RBSN: variants seen among roughly 807,000 people sequenced by gnomAD.
RBSN encodes the protein rabenosyn, RAB effector, also known as rabenosyn-5.
Under a neutral mutation model 60.5 loss-of-function variants are expected in RBSN, and 34 were observed. The observed-to-expected ratio is 0.56, with a 90% CI of 0.43 to 0.75. The LOEUF (loss-of-function observed/expected upper bound fraction) is 0.75. Among genes scored for constraint, RBSN ranks in the 30% least tolerant of loss-of-function variants. The pLI is 0.00. For missense variants in RBSN, 845 were observed against 986.8 expected (o/e 0.86, Z 1.92); for synonymous variants, 322 against 366.9 (o/e 0.88, Z 1.40).
chr3:15,091,553 A>T, intron 4 of RBSN: 1 of 1,240,008 alleles, frequency 8.1e-7, no homozygotes, highest in Non-Finnish European at 1.0e-6. Flanking sequence ...CATTTCCTGT[A>T]TTTAGCCATC....
Position 15,084,763 on chromosome 3 carries a change from A to G in RBSN, c.570T>C (p.Cys190=), listed in dbSNP as rs1405282106. 2 of 1,611,836 alleles carry G rather than the reference A, an allele frequency of 1.2e-6. No individual in the cohort carries two copies. The highest frequency in any genetic ancestry group is 2.7e-5 in the African/African-American group (2 of 74,772). ...RLCGSIMCKK[C]MELISLPLAN... Reference sequence around the variant, plus strand: ...CCAAGGGAAGGCTGATGAGCTCCATACACTTCTTGCACATAATAGACCCGC... The same window carrying G: ...CCAAGGGAAGGCTGATGAGCTCCATGCACTTCTTGCACATAATAGACCCGC... Residue 190 remains cysteine (C), a synonymous_variant, in exon 8 of 14, where the codon TGT becomes TGC. Coordinates refer to ENST00000253699, the MANE Select transcript of RBSN (RefSeq NM_022340.4). This position sits in a 1 kb window ranked among gnomAD's most constrained non-coding sequence, Gnocchi z 4.2.
At chr3:15,075,492 T>G in intron 13 of RBSN, 114 bp downstream of exon 13, 1 of 844,576 alleles carries the variant, frequency 1.2e-6, no homozygotes, top group Non-Finnish European at 2.1e-6. Context: ...AATATGCACA[T>G]TTGAGAGAGA....
At position 15,074,170 on chromosome 3, in the gene RBSN, C is replaced by A. The variant is rs147577833; in HGVS notation, c.1967G>T (p.Arg656Leu). The change falls in exon 14 of 14, where the codon CGC (arginine) becomes CTC (leucine). Residue 656 changes from arginine (R) to leucine (L), a missense_variant. Physicochemically the swap from Arg to Leu is moderately radical, Grantham distance 102. Transcript: ENST00000253699. The surrounding 1 kb of genome is among the most constrained non-coding windows in gnomAD (Gnocchi z 6.4). The part of the protein sequence containing the change: ...AAGVSLDPSA[R>L]ILKEYNPFEE... Reference sequence around the variant, plus strand: ...GAAAGGATTGTACTCTTTCAGGATGCGGGCTGAAGGGTCTAAGGAAACCCC... The same window carrying A: ...GAAAGGATTGTACTCTTTCAGGATGAGGGCTGAAGGGTCTAAGGAAACCCC... 7 of 1,613,140 alleles carry A rather than the reference C, an allele frequency of 4.3e-6. No homozygotes were observed. In the Admixed American group the frequency reaches 1.2e-4, roughly 27 times the overall value.
intron 10 of RBSN, 64 bp from the exon 11 acceptor site, chr3:15,078,225 A>G (rs2125157835): frequency 7.2e-7 from 1 of 1,389,308 alleles, no homozygotes; most frequent in East Asian, 2.3e-5. Flanking sequence ...CATAGTGTAG[A>G]AGGACGCTAA....
chr3:15,088,922 A>G (rs1034101161), intron 5 of RBSN, among the ~76,000 whole-genome samples: 6 of 152,196 alleles, frequency 3.9e-5, no homozygotes, highest in African/African-American at 1.4e-4. Flanking sequence ...GACACCTTCT[A>G]TAACAGCACT....
Position 15,074,839 on chromosome 3 carries a change from C to G in RBSN, c.1298G>C (p.Gly433Ala). Residue 433 changes from glycine (G) to alanine (A), a missense_variant, in exon 14 of 14, where the codon GGC becomes GCC. Transcript: ENST00000253699. The surrounding 1 kb of genome is among the most constrained non-coding windows in gnomAD (Gnocchi z 6.4). ...ANGEVASLRR[G>A]PAPLRKAEGW... ...CTCAGCCTTTCTCAAGGGGGCAGGG[C>G]CCCTGCGGAGAGATGCCACCTCCCC... The G allele has an allele frequency of 6.2e-7, 1 of 1,614,218 alleles. No individual in the cohort carries two copies. Among genetic ancestry groups the G allele is most frequent in the Non-Finnish European group, 8.5e-7 (1 of 1,180,052 alleles).
chr3:15,096,186 A>C lies in RBSN; in HGVS notation c.-66T>G. 6.7e-7 allele frequency: 1 copy of C among 1,494,774 alleles called. No individual in the cohort carries two copies. Among genetic ancestry groups the C allele is most frequent in the Non-Finnish European group, 8.9e-7 (1 of 1,122,810 alleles). The allele number at this position is 1,494,774 out of a possible 1,614,324, so 92.6% of individuals were successfully genotyped here. A position where few individuals can be genotyped will look rare whatever the true frequency, so the allele number is the denominator to read the frequency against. The stretch of plus-strand genomic sequence containing the variant: ...GCCAAGAGTCAGCTTGATTCCTCCC[A>C]AGGAACCATGGTTCCCGCAGCATTA... On this transcript the variant is annotated 5_prime_UTR_variant, in exon 4 of 14. Transcript: ENST00000253699.
chr3:15,093,051 G>T (rs2043557433), intron 4 of RBSN, among the ~76,000 whole-genome samples: 1 of 152,124 alleles, frequency 6.6e-6, no homozygotes, highest in Non-Finnish European at 1.5e-5. Flanking sequence ...AACCAGGACT[G>T]GGCCCCGAAC....
At position 15,085,002 on chromosome 3, in the gene RBSN, C is replaced by T. The variant is rs139320735; in HGVS notation, c.434G>A (p.Arg145Gln). Residue 145 changes from arginine to glutamine, a missense_variant and splice_region_variant, in exon 7 of 14, where the codon CGA becomes CAA. Transcript: ENST00000253699. The stretch of plus-strand genomic sequence containing the variant: ...TGTGAGCAAAGTTTTAAAGTTACCT[C>T]GAATCTTTGCAGACTCAGTATTTGT... ...DRTNTESAKI[R>Q]AIEKSVVPWV... The T allele has an allele frequency of 1.1e-5, 17 of 1,614,062 alleles. No individual in the cohort carries two copies. In the African/African-American group the frequency reaches 1.9e-4, roughly 18 times the overall value.
In RBSN at chr3:15,082,664, C is replaced by T; in HGVS notation, c.599-56G>A. The T allele has an allele frequency of 4.4e-6, 7 of 1,585,104 alleles. No homozygotes were observed. The highest frequency in any genetic ancestry group is 6.0e-6 in the Non-Finnish European group (7 of 1,163,322). ...ACCCCCACAGCATCCAATTACCATA[C>T]CCACGACCTCAAGGTGTCAGTCCAC... On this transcript the variant is annotated intron_variant, in intron 8 of 13. Transcript: ENST00000253699. This position sits in a 1 kb window ranked among gnomAD's most constrained non-coding sequence, Gnocchi z 4.2.
chr3:15,087,944 A>G, intron 5 of RBSN, among the ~76,000 whole-genome samples: 1 of 152,032 alleles, frequency 6.6e-6, no homozygotes, highest in Non-Finnish European at 1.5e-5. Context: ...TTAACCATCC[A>G]CATGTCTTTT....
At chr3:15,076,241 T>G (rs2043050634) in intron 12 of RBSN, among the ~76,000 whole-genome samples, 1 of 152,106 alleles carries the variant, frequency 6.6e-6, no homozygotes, top group African/African-American at 2.4e-5. Context: ...CTAATCAAAG[T>G]GAGGAAGGGC....
Position 15,091,861 on chromosome 3 carries a change from T to C in RBSN, c.149-1322A>G, listed in dbSNP as rs76729722. Among the ~76,000 whole-genome samples the C allele has an allele frequency of 4.1e-3, 629 of 152,352 alleles. 12 individuals carry two copies. In the East Asian group the frequency reaches 0.045, roughly 11 times the overall value. On this transcript the variant is annotated intron_variant, in intron 4 of 13. Transcript: ENST00000253699. ...TGGTGCAGAGAACCACCTGTTAAAC[T>C]GAACAATCAGCTGGTGTGGGGCGGG...
chr3:15,092,875 T>C (rs1434001816), intron 4 of RBSN, among the ~76,000 whole-genome samples: 3 of 152,298 alleles, frequency 2.0e-5, no homozygotes, highest in East Asian at 1.9e-4. Context: ...TTTTAGGAGA[T>C]AGAAAAACTG....
rs920602977 is a variant in RBSN, at chr3:15,070,759, GC to G, written c.*3022del. ...ATGGAAGAATTCATAGAAGAATACA[GC>G]CATGGATAAACTTAATCAAAAGAAT... On this transcript the variant is annotated 3_prime_UTR_variant, in exon 14 of 14. Coordinates refer to ENST00000253699, the MANE Select transcript of RBSN (RefSeq NM_022340.4). 1 of 152,644 alleles carries G rather than the reference GC, an allele frequency of 6.6e-6. No individual in the cohort carries two copies. The highest frequency in any genetic ancestry group is 2.4e-5 in the African/African-American group (1 of 41,444). 9.5% of individuals were successfully genotyped at this position (152,644 alleles called of 1,614,324 possible).
Position 15,077,018 on chromosome 3 carries a change from G to A in RBSN, c.1101+44C>T, listed in dbSNP as rs2043070224. The A allele has an allele frequency of 1.3e-6, 2 of 1,552,226 alleles. No individual in the cohort carries two copies. On this transcript the variant is annotated intron_variant, in intron 12 of 13. Coordinates refer to ENST00000253699, the MANE Select transcript of RBSN (RefSeq NM_022340.4). This position sits in a 1 kb window ranked among gnomAD's most constrained non-coding sequence, Gnocchi z 4.4. ...TGCCTCCTGGGAAGCAAAAGAGCAG[G>A]ACAGGCCAAGTGCAACATTTATGCC...
rs1439037144 is a variant in RBSN at position 15,084,206 on chromosome 3, C to A, written c.598+529G>T. Among the ~76,000 whole-genome samples the A allele has an allele frequency of 1.3e-5, 2 of 152,176 alleles. No individual in the cohort carries two copies. The highest frequency in any genetic ancestry group is 4.8e-5 in the African/African-American group (2 of 41,434). ...CAATCTCAGCTCACTGCAGCCTTCA[C>A]CTCCCAGGTTCAAGCAATTCTCCTG... On this transcript the variant is annotated intron_variant, in intron 8 of 13. Transcript: ENST00000253699. The surrounding 1 kb of genome is among the most constrained non-coding windows in gnomAD (Gnocchi z 4.2).
intron 3 of RBSN, 105 bp from the exon 4 acceptor site, chr3:15,096,393 T>C: frequency 3.0e-6 from 1 of 335,690 alleles, no homozygotes; most frequent in African/African-American, 2.1e-5. Context: ...TTAATGTTTA[T>C]TCAGTGCAAG....
chr3:15,090,409 G>T lies in RBSN; in HGVS notation c.279C>A (p.Pro93=). The change falls in exon 5 of 14, where the codon CCC becomes CCA. Residue 93 remains proline (P), a synonymous_variant. Coordinates refer to ENST00000253699, the MANE Select transcript of RBSN (RefSeq NM_022340.4). ...AATGAATTTTCTTACCAAGCTCCTG[G>T]GGTTCCCACATGTAAGGATCAACCC... ...YGGVDPYMWE[P]QELGAVRSHL... The T allele has an allele frequency of 1.2e-6, 2 of 1,613,140 alleles. No homozygotes were observed. Among genetic ancestry groups the T allele is most frequent in the Admixed American group, 3.3e-5 (2 of 59,740 alleles).
Sources: gnomAD v4.1 joint callset for allele counts (sites outside exome capture counted in the v4.1 genomes callset) on GRCh38, gnomAD v4.1.1 for gene constraint, Gnocchi (gnomAD v3.1) non-coding constraint, MANE v1.5 for transcripts, NCBI Gene and HGNC (gene_info 2026-07-23, HGNC 2026-07-21) for gene names.